The following SRGAP2B variants were observed in gnomAD, a reference collection of about 807,000 sequenced individuals.
The protein encoded by SRGAP2B is SLIT-ROBO Rho GTPase activating protein 2B.
A neutral mutation model predicts 22.2 loss-of-function variants in SRGAP2B; 9 were observed. The observed-to-expected ratio is 0.41, with a 90% confidence interval of 0.24 to 0.71. SRGAP2B has a LOEUF of 0.71. SRGAP2B is among the 30% of genes least tolerant of loss of function. The pLI is 0.35. For synonymous variants in SRGAP2B, 36 were observed against 87.4 expected (o/e 0.41, Z 3.28); for missense variants, 114 against 235.8 (o/e 0.48, Z 3.38).
chr1:144,971,226 G>C (rs1553613201), intron 3 of SRGAP2B, among the ~76,000 whole-genome samples: 1 of 148,824 alleles, frequency 6.7e-6, no homozygotes, highest in Admixed American at 6.7e-5. Context: ...CGCCTCCTGG[G>C]TTCAAGCGAT....
exon 4 of SRGAP2B, chr1:144,955,502 G>A: frequency 8.6e-7 from 1 of 1,169,004 alleles, no homozygotes; most frequent in Non-Finnish European, 1.2e-6. Flanking sequence ...TATTATTCAG[G>A]TAGATGTCAC....
chr1:144,976,158 G>A (rs1668890650), intron 3 of SRGAP2B, among the ~76,000 whole-genome samples: 1 of 147,658 alleles, frequency 6.8e-6, no homozygotes, highest in African/African-American at 2.7e-5. Context: ...GGGATTACAG[G>A]TGTGAGCCAT....
chr1:145,030,426 C>T (rs1553625770), intron 2 of SRGAP2B, among the ~76,000 whole-genome samples: 6 of 142,680 alleles, frequency 4.2e-5, no homozygotes, highest in African/African-American at 1.7e-4. Flanking sequence ...ATGAAACCAT[C>T]ATTCTGAGCA....
At chr1:144,983,742 G>C (rs1669484719) in intron 3 of SRGAP2B, among the ~76,000 whole-genome samples, 1 of 142,802 alleles carries the variant, frequency 7.0e-6, no homozygotes, top group Non-Finnish European at 1.5e-5. Flanking sequence ...TGTAATCTGA[G>C]TATCACAGAT....
intron 5 of SRGAP2B, among the ~76,000 whole-genome samples, chr1:144,910,503 C>T (rs1663343718): frequency 6.7e-6 from 1 of 149,860 alleles, no homozygotes; most frequent in Non-Finnish European, 1.5e-5. Context: ...TGCCAGCACA[C>T]AGCCGATGCT....
At position 145,070,033 on chromosome 1, in the gene SRGAP2B, C is replaced by CT. The variant is rs372504712; in HGVS notation, c.67+22801dup. 2.3e-4 allele frequency among the ~76,000 whole-genome samples: 32 copies of CT among 141,556 alleles called. No homozygotes were observed. The East Asian group carries it at 3.0e-3, about 13-fold the overall frequency. 92.9% of individuals were successfully genotyped at this position (141,556 alleles called of 152,430 possible). Reference sequence around the variant, plus strand: ...TTGGCTGGTTGAGAAGGAATGTCATCTTTTTTTTTTTTTTTTTAAAGCGCT... The same window carrying CT: ...TTGGCTGGTTGAGAAGGAATGTCATCTTTTTTTTTTTTTTTTTTAAAGCGCT... On this transcript the variant is annotated intron_variant, in intron 2 of 9. Coordinates refer to ENST00000612199, the Ensembl canonical transcript of SRGAP2B.
chr1:144,988,704 T>C (rs1669939728), intron 3 of SRGAP2B, among the ~76,000 whole-genome samples: 1 of 149,508 alleles, frequency 6.7e-6, no homozygotes, highest in African/African-American at 2.5e-5. Flanking sequence ...TTCTGCTAGC[T>C]ATCCCCAGTC....
intron 3 of SRGAP2B, among the ~76,000 whole-genome samples, chr1:144,985,118 T>C (rs587745530): frequency 1.6e-5 from 2 of 128,448 alleles, no homozygotes; most frequent in African/African-American, 3.2e-5. Context: ...TAGTACTTAC[T>C]ACATATAGCC....
intron 9 of SRGAP2B, among the ~76,000 whole-genome samples, chr1:144,892,653 T>C (rs1302918705): frequency 6.7e-6 from 1 of 149,350 alleles, no homozygotes; most frequent in African/African-American, 2.5e-5. Flanking sequence ...TAAAATTTAA[T>C]ATTAGCATTA....
At position 144,991,216 on chromosome 1, in the gene SRGAP2B, G is replaced by A. The variant is rs1164177365; in HGVS notation, c.260+3792C>T. Among the ~76,000 whole-genome samples the A allele has an allele frequency of 7.5e-4, 112 of 149,898 alleles. 5 individuals carry two copies. The highest frequency in any genetic ancestry group is 2.7e-3 in the African/African-American group (106 of 39,968). ...CTCAAGGTTTGTGAGTGCACCAATC[G>A]ACACTCTGTATCTAGCTGCTCTAGT... is the stretch of plus-strand genomic sequence containing the variant. On this transcript the variant is annotated intron_variant, in intron 3 of 9. Transcript: ENST00000612199.
At chr1:144,920,110 C>T (rs1356255159) in intron 4 of SRGAP2B, among the ~76,000 whole-genome samples, 5 of 150,924 alleles carry the variant, frequency 3.3e-5, no homozygotes, top group South Asian at 4.2e-4. Context: ...CTGATTGGTG[C>T]GTTTTTACAG....
At chr1:144,945,622 CAAAA>C (rs1417216798) in intron 4 of SRGAP2B, among the ~76,000 whole-genome samples, 2 of 148,318 alleles carry the variant, frequency 1.3e-5, no homozygotes, top group African/African-American at 2.6e-5. Context: ...AACAAACAAA[CAAAA>C]AGATGATATA....
chr1:145,030,294 G>A lies in SRGAP2B; in HGVS notation c.68-35094C>T, dbSNP rs547523. Among the ~76,000 whole-genome samples, 6 of 149,942 alleles carry A rather than the reference G, an allele frequency of 4.0e-5. No homozygotes were observed. In the East Asian group the frequency reaches 5.9e-4, roughly 15 times the overall value. On this transcript the variant is annotated intron_variant, in intron 2 of 9. Coordinates refer to ENST00000612199, the Ensembl canonical transcript of SRGAP2B. ...TTCAGAACATATATCATTTACACAC[G>A]TTATTCTTCCATCCTTTCCTTACCT...
intron 7 of SRGAP2B, among the ~76,000 whole-genome samples, chr1:144,898,916 G>A (rs1344890579): frequency 0.013 from 1,679 of 131,602 alleles, no homozygotes; most frequent in East Asian, 0.098. Flanking sequence ...AGACAAAAGC[G>A]GCTCATTAGG....
At chr1:145,045,007 G>A (rs1197296552) in intron 2 of SRGAP2B, among the ~76,000 whole-genome samples, 2 of 149,026 alleles carry the variant, frequency 1.3e-5, no homozygotes, top group Non-Finnish European at 3.0e-5. Context: ...TGAAAATGGA[G>A]CCTTTGTCTA....
intron 2 of SRGAP2B, among the ~76,000 whole-genome samples, chr1:145,015,579 C>CTGGTCT (rs1672356196): frequency 6.7e-6 from 1 of 149,348 alleles, no homozygotes; most frequent in Admixed American, 6.7e-5. Flanking sequence ...TAGGAGTATA[C>CTGGTCT]AGAAATTGGT....
chr1:145,069,371 C>A (rs1571135680), intron 2 of SRGAP2B, among the ~76,000 whole-genome samples: 1 of 102,884 alleles, frequency 9.7e-6, no homozygotes, highest in South Asian at 3.6e-4. Context: ...GACAGCCAAA[C>A]TGCTAGGAGC....
intron 5 of SRGAP2B, among the ~76,000 whole-genome samples, chr1:144,909,558 G>T (rs1196942490): frequency 6.8e-6 from 1 of 145,998 alleles, no homozygotes; most frequent in Non-Finnish European, 1.5e-5. Flanking sequence ...CTGCACTCCA[G>T]CCTGGGCAAC....
At chr1:145,067,150 A>C (rs1357313358) in intron 2 of SRGAP2B, among the ~76,000 whole-genome samples, 1 of 146,926 alleles carries the variant, frequency 6.8e-6, no homozygotes, top group Non-Finnish European at 1.5e-5. Flanking sequence ...TTACAAGAGC[A>C]TGGTGACACA....
Sources: allele counts gnomAD v4.1 joint callset (sites outside exome capture counted in the v4.1 genomes callset), GRCh38; gene constraint gnomAD v4.1.1; transcripts MANE v1.5; gene names NCBI Gene and HGNC (gene_info 2026-07-23, HGNC 2026-07-21).